TNRC18: variants seen among roughly 807,000 people sequenced by gnomAD.
The protein encoded by TNRC18 is trinucleotide repeat-containing gene 18 protein.
A neutral mutation model predicts 226.7 loss-of-function variants in TNRC18; 69 were observed. The observed-to-expected ratio is 0.30, with a 90% CI of 0.25 to 0.37. TNRC18 has a LOEUF of 0.37. Ranked by LOEUF, TNRC18 falls within the 10% of genes least tolerant of loss-of-function variation. The probability of loss-of-function intolerance (pLI) is 1.00; values close to 1 mark genes in which losing one functional copy is unlikely to be tolerated. For synonymous variants in TNRC18, 2,449 were observed against 1,927.6 expected (o/e 1.27, Z -7.09); for missense variants, 4,754 against 4,256.6 (o/e 1.12, Z -3.25).
chr7:5,387,683 C>G lies in TNRC18; in HGVS notation c.2141G>C (p.Ser714Thr). The G allele has an allele frequency of 6.2e-7, 1 of 1,604,362 alleles. No homozygotes were observed. Among genetic ancestry groups the G allele is most frequent in the Non-Finnish European group, 8.5e-7 (1 of 1,179,846 alleles). Residue 714 changes from serine to threonine, a missense_variant, in exon 5 of 30, where the codon AGT (serine) becomes ACT (threonine). Ser to Thr is a moderately conservative substitution (Grantham distance 58). Transcript: ENST00000430969. ...TGCCCAGGACCTACCTTTGACGTTA[C>G]TCAGCGACAGAGAGCGCTCCTGGTC... ...LVDQERSLSL[S>T]NVKGHGRADE... is the part of the protein sequence containing the mutation.
chr7:5,308,596 A>AGAT (rs1786839645), intron 29 of TNRC18, among the ~76,000 whole-genome samples: 1 of 152,180 alleles, frequency 6.6e-6, no homozygotes, highest in Non-Finnish European at 1.5e-5. Context: ...AGAGACTGAA[A>AGAT]GATAGAGGTT....
Position 5,370,563 on chromosome 7 carries a change from G to T in TNRC18, c.4031C>A (p.Ala1344Asp), listed in dbSNP as rs772762055. The T allele has an allele frequency of 2.5e-6, 4 of 1,611,616 alleles. No homozygotes were observed. Among genetic ancestry groups the T allele is most frequent in the Non-Finnish European group, 3.4e-6 (4 of 1,179,094 alleles). Residue 1344 changes from alanine (A) to aspartate (D), a missense_variant, in exon 11 of 30, where the codon GCC (alanine) becomes GAC (aspartate). Transcript: ENST00000430969. ...SLEDPLAGMNALAAAAELPQA... is the reference protein window; with the variant it reads ...SLEDPLAGMNDLAAAAELPQA... ...GGGCAGCTCCGCAGCTGCCGCCAGG[G>T]CGTTCATGCCAGCCAGTGGGTCCTC...
At chr7:5,360,886 C>T (rs892467144) in intron 14 of TNRC18, among the ~76,000 whole-genome samples, 4 of 152,168 alleles carry the variant, frequency 2.6e-5, no homozygotes, top group African/African-American at 9.7e-5. Flanking sequence ...GGTCCCCCCA[C>T]GCTCCTTCTG....
In TNRC18 at chr7:5,377,574, T is replaced by C; in HGVS notation, c.2258A>G (p.Glu753Gly). 2 of 1,576,474 alleles carry C rather than the reference T, an allele frequency of 1.3e-6. No homozygotes were observed. Among genetic ancestry groups the C allele is most frequent in the African/African-American group, 2.7e-5 (2 of 74,192 alleles). The change falls in exon 7 of 30, where the codon GAG becomes GGG. Residue 753 changes from glutamate to glycine, a missense_variant and splice_region_variant. Glu to Gly is a moderately conservative substitution (Grantham distance 98, BLOSUM62 -2). Transcript: ENST00000430969. This position sits in a 1 kb window ranked among gnomAD's most constrained non-coding sequence, Gnocchi z 5.8. ...LDRDQEKLLR[E>G]SKELADLARL... The stretch of plus-strand genomic sequence containing the variant: ...GGCCAGGTCAGCCAGCTCCTTACTC[T>C]CTCTGGAAGGAGGATCATAGGTGTC...
intron 2 of TNRC18, among the ~76,000 whole-genome samples, chr7:5,411,375 G>C (rs1274398102): frequency 6.6e-6 from 1 of 151,576 alleles, no homozygotes; most frequent in Admixed American, 6.6e-5. Context: ...AGGGAAGGCC[G>C]TGTGTGGTGA....
rs62443165 is a variant in TNRC18, at chr7:5,320,446, G to A, written c.6637-20C>T. 14,541 of 1,562,320 alleles carry A rather than the reference G, an allele frequency of 9.3e-3. 102 individuals carry two copies. Among genetic ancestry groups the A allele is most frequent in the Non-Finnish European group, 0.011 (12,916 of 1,153,270 alleles). On this transcript the variant is annotated intron_variant, in intron 23 of 29. Transcript: ENST00000430969. ...GATGATCTAGAAGGGCATGGGATGA[G>A]TGCAAGGTGTGGACACAGTTATGGC... is the stretch of plus-strand genomic sequence containing the variant.
chr7:5,316,051 T>C lies in TNRC18; in HGVS notation c.6767A>G (p.Asp2256Gly). Residue 2256 changes from aspartate to glycine, a missense_variant, in exon 25 of 30, where the codon GAT becomes GGT. Physicochemically the swap from Asp to Gly is moderately conservative, Grantham distance 94 (BLOSUM62 -1). Transcript: ENST00000430969. ...VVRGLLDLED[D>G]GDLITVEFDD... ...AAACTCCACGGTGATCAAGTCCCCA[T>C]CGTCCTCCAGGTCCAGTAACCCTGT... is the stretch of plus-strand genomic sequence containing the variant. 1 of 1,610,844 alleles carries C rather than the reference T, an allele frequency of 6.2e-7. No homozygotes were observed. Among genetic ancestry groups the C allele is most frequent in the Non-Finnish European group, 8.5e-7 (1 of 1,178,490 alleles).
intron 5 of TNRC18, among the ~76,000 whole-genome samples, chr7:5,381,500 C>T (rs959844699): frequency 2.6e-5 from 4 of 152,188 alleles, no homozygotes; most frequent in African/African-American, 4.8e-5. Flanking sequence ...TGCTCCATCA[C>T]GTTCTCTTGA....
intron 2 of TNRC18, among the ~76,000 whole-genome samples, chr7:5,400,293 A>C (rs1378060946): frequency 6.6e-6 from 1 of 152,026 alleles, no homozygotes; most frequent in Non-Finnish European, 1.5e-5. Flanking sequence ...CTTCTAGCCA[A>C]ATGCCATTTG....
rs1346600518 is a variant in TNRC18 at position 5,321,034 on chromosome 7, G to C, written c.6560+39C>G. Reference sequence around the variant, plus strand: ...GCGGCCGGGACACGGGGCGGGTATGGGACACGGGGCTCTGTGCCGGACCTC... The same window carrying C: ...GCGGCCGGGACACGGGGCGGGTATGCGACACGGGGCTCTGTGCCGGACCTC... On this transcript the variant is annotated intron_variant, in intron 22 of 29. Transcript: ENST00000430969. 2.1e-6 allele frequency: 3 copies of C among 1,430,316 alleles called. No individual in the cohort carries two copies. The South Asian group carries it at 3.7e-5, about 18-fold the overall frequency. The allele number at this position is 1,430,316 out of a possible 1,614,324, so 88.6% of individuals were successfully genotyped here.
At position 5,390,598 on chromosome 7, in the gene TNRC18, G is replaced by T. The variant is rs1304723338; in HGVS notation, c.374C>A (p.Pro125Gln). The T allele has an allele frequency of 1.2e-6, 2 of 1,610,550 alleles. No individual in the cohort carries two copies. The highest frequency in any genetic ancestry group is 3.4e-5 in the Admixed American group (2 of 59,562). The change falls in exon 4 of 30, where the codon CCA becomes CAA. Residue 125 changes from proline (P) to glutamine (Q), a missense_variant. By Grantham distance (76) the Pro-to-Gln change is moderately conservative. Transcript: ENST00000430969. ...GFSHLPSGLY[P>Q]SYLHLNHLEP... ...CAGGTGGTTCAGGTGGAGGTAGGATGGGTACAGCCCACTGGGCAGGTGGGA... is the reference window on the plus strand; with the variant it reads ...CAGGTGGTTCAGGTGGAGGTAGGATTGGTACAGCCCACTGGGCAGGTGGGA...
rs1454045365 is a variant in TNRC18, at chr7:5,342,415, C to A, written c.5719+3147G>T. ...CTGCATTCCAGCCTGGGCGACACAGCGAGACTCAGTCTCAAAAAAAAAAAA... is the reference window on the plus strand; with the variant it reads ...CTGCATTCCAGCCTGGGCGACACAGAGAGACTCAGTCTCAAAAAAAAAAAA... On this transcript the variant is annotated intron_variant, in intron 18 of 29. Transcript: ENST00000430969. 2.7e-5 allele frequency among the ~76,000 whole-genome samples: 4 copies of A among 148,278 alleles called. No homozygotes were observed. The Admixed American group carries it at 2.7e-4, about 10-fold the overall frequency.
chr7:5,410,860 CAAAAA>C (rs34320785), intron 2 of TNRC18, among the ~76,000 whole-genome samples: 12 of 37,172 alleles, frequency 3.2e-4, no homozygotes, highest in Admixed American at 6.5e-4. Context: ...GACTCCATCT[CAAAAA>C]AAAAAAAAAA....
In TNRC18 at chr7:5,309,111, G is replaced by A. The variant is rs376916051; in HGVS notation, c.8625+21C>T. The A allele has an allele frequency of 2.6e-5, 41 of 1,582,228 alleles. No homozygotes were observed. The highest frequency in any genetic ancestry group is 2.2e-4 in the Middle Eastern group (1 of 4,460). On this transcript the variant is annotated intron_variant, in intron 28 of 29. Transcript: ENST00000430969. The surrounding 1 kb of genome is among the most constrained non-coding windows in gnomAD (Gnocchi z 5.7). Reference sequence around the variant, plus strand: ...CCTACACCGCCTAGGACTGGGGGCCGCAGCCGGGCCGCAGGCTCACCTGGC... The same window carrying A: ...CCTACACCGCCTAGGACTGGGGGCCACAGCCGGGCCGCAGGCTCACCTGGC...
At chr7:5,393,827 C>T (rs35831110) in intron 3 of TNRC18, among the ~76,000 whole-genome samples, 5,084 of 152,192 alleles carry the variant, frequency 0.033, 99 homozygotes, top group African/African-American at 0.045. Flanking sequence ...GGCATGGCTG[C>T]AGAAATGCAG....
At position 5,361,225 on chromosome 7, in the gene TNRC18, G is replaced by T. The variant is rs376745195; in HGVS notation, c.4661+369C>A. Among the ~76,000 whole-genome samples, 23 of 152,310 alleles carry T rather than the reference G, an allele frequency of 1.5e-4. No homozygotes were observed. In the East Asian group the frequency reaches 3.7e-3, roughly 24 times the overall value. On this transcript the variant is annotated intron_variant, in intron 14 of 29. Transcript: ENST00000430969. ...ACGGCGGAGACCGAGCGACAGCCGG[G>T]TCATAGCCCGTCCCAACAAGCAAGG... is the stretch of plus-strand genomic sequence containing the variant.
In TNRC18 at chr7:5,374,133, C is replaced by T; in HGVS notation, c.3151G>A (p.Ala1051Thr). 6.4e-7 allele frequency: 1 copy of T among 1,563,146 alleles called. No individual in the cohort carries two copies. Among genetic ancestry groups the T allele is most frequent in the Non-Finnish European group, 8.6e-7 (1 of 1,158,430 alleles). Residue 1051 changes from alanine (A) to threonine (T), a missense_variant, in exon 10 of 30, where the codon GCT becomes ACT. Ala to Thr is a moderately conservative substitution (Grantham distance 58). Transcript: ENST00000430969. ...PTPGITRKEE[A>T]PENVVEKKDL... ...TTCTTCTCGACCACATTCTCGGGAG[C>T]CTCCTCCTTGCGGGTGATACCCGGG... is the stretch of plus-strand genomic sequence containing the variant.
At chr7:5,414,419 T>C (rs1302237332) in intron 2 of TNRC18, among the ~76,000 whole-genome samples, 1 of 151,604 alleles carries the variant, frequency 6.6e-6, no homozygotes, top group Non-Finnish European at 1.5e-5. Flanking sequence ...TTCTTTCTTT[T>C]GTTTTTTTTT....
In TNRC18 at chr7:5,320,526, C is replaced by T. The variant is rs1357169782; in HGVS notation, c.6636+6G>A. On this transcript the variant is annotated splice_donor_region_variant and intron_variant, in intron 23 of 29. Coordinates refer to ENST00000430969, the MANE Select transcript of TNRC18 (RefSeq NM_001080495.3). ...GCCTCCCGAGGCCCCGCCCCTCCCC[C>T]CTCACCGCCTCCTGCAGCAACTGCT... 2 of 1,608,590 alleles carry T rather than the reference C, an allele frequency of 1.2e-6. No individual in the cohort carries two copies. The highest frequency in any genetic ancestry group is 8.5e-7 in the Non-Finnish European group (1 of 1,178,556).
Sources: gnomAD v4.1 joint callset for allele counts (sites outside exome capture counted in the v4.1 genomes callset) on GRCh38, gnomAD v4.1.1 for gene constraint, Gnocchi (gnomAD v3.1) non-coding constraint, MANE v1.5 for transcripts, NCBI Gene and HGNC (gene_info 2026-07-23, HGNC 2026-07-21) for gene names.